SPPL3: variants seen among roughly 807,000 people sequenced by gnomAD.
SPPL3 encodes signal peptide peptidase like 3.
A neutral mutation model predicts 42.4 loss-of-function variants in SPPL3; 5 were observed. That is an observed-to-expected ratio of 0.12 (90% CI 0.06 to 0.25). The LOEUF (loss-of-function observed/expected upper bound fraction) is 0.25, where lower values mean the gene tolerates loss of function less well. Among genes scored for constraint, SPPL3 ranks in the 10% least tolerant of loss-of-function variants. The pLI is 1.00. For missense variants in SPPL3, 235 were observed against 489.0 expected, an observed-to-expected ratio of 0.48 and a Z score of 4.90; for synonymous variants, 195 against 181.8, an observed-to-expected ratio of 1.07 and a Z score of -0.58.
intron 1 of SPPL3, among the ~76,000 whole-genome samples, chr12:120,887,898 A>G (rs923494640): frequency 1.5e-4 from 23 of 152,208 alleles, no homozygotes; most frequent in Non-Finnish European, 4.4e-5. Flanking sequence ...AGAATCTCAC[A>G]CATTGCTGGT....
chr12:120,856,371 G>T (rs1872457094), intron 1 of SPPL3, among the ~76,000 whole-genome samples: 1 of 151,954 alleles, frequency 6.6e-6, no homozygotes, highest in Non-Finnish European at 1.5e-5. Context: ...CAGTTGTCCT[G>T]CAAACAGCAG....
chr12:120,878,856 G>A (rs1053854070), intron 1 of SPPL3, among the ~76,000 whole-genome samples: 7 of 151,974 alleles, frequency 4.6e-5, no homozygotes, highest in African/African-American at 1.7e-4. Context: ...GCTCATACCC[G>A]TAATCCCAGC....
chr12:120,880,866 CAACA>C lies in SPPL3; in HGVS notation c.23+22975_23+22978del, dbSNP rs780266235. Among the ~76,000 whole-genome samples the C allele has an allele frequency of 6.0e-5, 9 of 150,998 alleles. 1 individual carries two copies. The highest frequency in any genetic ancestry group is 4.2e-4 in the South Asian group (2 of 4,786). On this transcript the variant is annotated intron_variant, in intron 1 of 10. Coordinates refer to ENST00000353487, the MANE Select transcript of SPPL3 (RefSeq NM_139015.5). The stretch of plus-strand genomic sequence containing the variant: ...GAATATACTAATAACTACAGCTCAA[CAACA>C]ATCAACCCAGCCAAAAAAAAAAATG...
At chr12:120,799,694 T>C (rs1379213064) in intron 2 of SPPL3, among the ~76,000 whole-genome samples, 1 of 152,176 alleles carries the variant, frequency 6.6e-6, no homozygotes, top group Non-Finnish European at 1.5e-5. Context: ...CCTTGTTTGG[T>C]TGTTAGAAGC....
chr12:120,804,171 C>T (rs1178218953), intron 2 of SPPL3, among the ~76,000 whole-genome samples: 3 of 152,100 alleles, frequency 2.0e-5, no homozygotes, highest in Non-Finnish European at 4.4e-5. Flanking sequence ...GAACTAGTTA[C>T]TCTTGAGTTA....
chr12:120,874,564 C>T (rs1873026414), intron 1 of SPPL3, among the ~76,000 whole-genome samples: 1 of 151,924 alleles, frequency 6.6e-6, no homozygotes, highest in South Asian at 2.1e-4. Context: ...ATTAAAATGC[C>T]TGATAACAGC....
intron 1 of SPPL3, among the ~76,000 whole-genome samples, chr12:120,898,506 C>G (rs1427341121): frequency 6.6e-6 from 1 of 151,878 alleles, no homozygotes; most frequent in Admixed American, 6.6e-5. Flanking sequence ...ACTAAGGAAT[C>G]TGGGTTTTAT....
chr12:120,801,280 G>A (rs745963867), intron 2 of SPPL3, among the ~76,000 whole-genome samples: 2 of 152,166 alleles, frequency 1.3e-5, no homozygotes, highest in Non-Finnish European at 1.5e-5. Flanking sequence ...GACCACCTGT[G>A]CTAGCTGGGC....
chr12:120,796,946 C>T (rs916735421), intron 2 of SPPL3, among the ~76,000 whole-genome samples: 10 of 151,960 alleles, frequency 6.6e-5, no homozygotes, highest in East Asian at 1.9e-4. Context: ...CTGAGGCGGG[C>T]GAATCACGAG....
chr12:120,801,779 A>T (rs1203965234), intron 2 of SPPL3, among the ~76,000 whole-genome samples: 1 of 152,208 alleles, frequency 6.6e-6, no homozygotes, highest in Non-Finnish European at 1.5e-5. Context: ...GGTGAATGAT[A>T]TGGTTTAGCC....
intron 1 of SPPL3, chr12:120,835,723 A>G (rs1871597743): frequency 6.6e-6 from 1 of 152,220 alleles, no homozygotes; most frequent in Non-Finnish European, 1.5e-5. Flanking sequence ...TCGGTATTAC[A>G]GAATTCTGGC....
chr12:120,900,725 T>C (rs772068777), intron 1 of SPPL3, among the ~76,000 whole-genome samples: 5 of 151,800 alleles, frequency 3.3e-5, no homozygotes, highest in African/African-American at 1.2e-4. Flanking sequence ...CTGGGCAACA[T>C]GGCAAAACCC....
intron 1 of SPPL3, among the ~76,000 whole-genome samples, chr12:120,876,624 A>AAAAAAAAAAAAAAAAAAAAAAAG (rs1873100816): frequency 1.4e-5 from 2 of 143,770 alleles, no homozygotes; most frequent in African/African-American, 5.7e-5. Context: ...CTCAAAAAAA[A>AAAAAAAAAAAAAAAAAAAAAAAG]AAAAAAAAAA....
chr12:120,825,023 C>T (rs991162567), intron 1 of SPPL3, among the ~76,000 whole-genome samples: 1 of 151,996 alleles, frequency 6.6e-6, no homozygotes, highest in Non-Finnish European at 1.5e-5. Flanking sequence ...GTCCCTTTCT[C>T]ATAGTGTGCC....
intron 1 of SPPL3, among the ~76,000 whole-genome samples, chr12:120,884,195 C>CGGGGACA (rs1024491314): frequency 6.6e-6 from 1 of 150,886 alleles, no homozygotes; most frequent in African/African-American, 2.4e-5. Flanking sequence ...TACACCTAAA[C>CGGGGACA]GGGGACAGGG....
intron 3 of SPPL3, among the ~76,000 whole-genome samples, chr12:120,784,858 G>A (rs1869664856): frequency 7.2e-6 from 1 of 138,648 alleles, no homozygotes; most frequent in Non-Finnish European, 1.6e-5. Flanking sequence ...TGGATGACAG[G>A]ATCCAAACCA....
At chr12:120,815,225 A>G (rs1047210085) in intron 1 of SPPL3, among the ~76,000 whole-genome samples, 1 of 152,158 alleles carries the variant, frequency 6.6e-6, no homozygotes, top group Non-Finnish European at 1.5e-5. Context: ...AGGTTATACC[A>G]TTTCACACTC....
chr12:120,852,681 C>G (rs1405027021), intron 1 of SPPL3, among the ~76,000 whole-genome samples: 900 of 27,138 alleles, frequency 0.033, 248 homozygotes, highest in Middle Eastern at 0.077. Flanking sequence ...GAAATATATG[C>G]ATATATAATA....
At chr12:120,820,263 T>C (rs1452665400) in intron 1 of SPPL3, among the ~76,000 whole-genome samples, 1 of 151,868 alleles carries the variant, frequency 6.6e-6, no homozygotes, top group Non-Finnish European at 1.5e-5. Flanking sequence ...TTTCCCTTTA[T>C]GGAAATATGT....
Sources: gnomAD v4.1 joint callset for allele counts (sites outside exome capture counted in the v4.1 genomes callset) on GRCh38, gnomAD v4.1.1 for gene constraint, MANE v1.5 for transcripts, NCBI Gene and HGNC (gene_info 2026-07-23, HGNC 2026-07-21) for gene names.